Variants in ZNF529 observed in about 807,000 individuals in gnomAD.
ZNF529 encodes the protein zinc finger protein 529.
In ZNF529, 11 loss-of-function variants were observed where a neutral mutation model predicts 10.1. That is an observed-to-expected ratio of 1.09 (90% CI 0.69 to 1.81). ZNF529 has a LOEUF of 1.81. ZNF529 is among the 40% of genes most tolerant of loss of function. The pLI is 0.00. For missense variants in ZNF529, 624 were observed against 666.8 expected (o/e 0.94, Z 0.71); for synonymous variants, 204 against 215.7 (o/e 0.95, Z 0.47).
rs756181725 is a variant in ZNF529 at position 36,547,931 on chromosome 19, C to T, written c.627G>A (p.Gly209=). Residue 209 remains glycine, a synonymous_variant, in exon 5 of 5, where the codon GGG becomes GGA. Coordinates refer to ENST00000591340, the MANE Select transcript of ZNF529 (RefSeq NM_020951.5). ...YECNQCWKTF[G]IDNSSMLQLN... The stretch of plus-strand genomic sequence containing the variant: ...GTTGTAACATACTGGAGTTATCTAT[C>T]CCAAAGGTTTTCCAACATTGATTAC... 1.4e-5 allele frequency: 22 copies of T among 1,612,428 alleles called. No individual in the cohort carries two copies. The highest frequency in any genetic ancestry group is 1.8e-5 in the Non-Finnish European group (21 of 1,179,412).
chr19:36,568,143 T>G (rs559788635), intron 2 of ZNF529, among the ~76,000 whole-genome samples: 3 of 152,284 alleles, frequency 2.0e-5, no homozygotes, highest in Admixed American at 6.5e-5. Context: ...CTGAGGAAGC[T>G]TCAATTCCCT....
At chr19:36,568,005 G>T (rs941027583) in intron 2 of ZNF529, among the ~76,000 whole-genome samples, 4 of 152,086 alleles carry the variant, frequency 2.6e-5, no homozygotes, top group African/African-American at 9.7e-5. Context: ...GCTGGCAAAA[G>T]ACTTCAGTAG....
At position 36,553,283 on chromosome 19, in the gene ZNF529, A is replaced by T. The variant is rs953926617; in HGVS notation, c.235+1387T>A. On this transcript the variant is annotated intron_variant, in intron 4 of 4. Transcript: ENST00000591340. Reference sequence around the variant, plus strand: ...CCTGAGTAGCTGGGACTACAGGCACATGCCACCATGCCCAGCTGATTTTTT... The same window carrying T: ...CCTGAGTAGCTGGGACTACAGGCACTTGCCACCATGCCCAGCTGATTTTTT... 2.6e-5 allele frequency among the ~76,000 whole-genome samples: 4 copies of T among 152,080 alleles called. No individual in the cohort carries two copies. In the East Asian group the frequency reaches 7.7e-4, roughly 29 times the overall value.
Position 36,547,659 on chromosome 19 carries a change from T to C in ZNF529, c.899A>G (p.His300Arg), listed in dbSNP as rs2145784476. Residue 300 changes from histidine to arginine, a missense_variant, in exon 5 of 5, where the codon CAT becomes CGT. Transcript: ENST00000591340. ...TTTCTCATCAGTATGGATTTTCTGATGTCGAGTAAGTTGTGCATGCACTCT... is the reference window on the plus strand; with the variant it reads ...TTTCTCATCAGTATGGATTTTCTGACGTCGAGTAAGTTGTGCATGCACTCT... ...SFRVHAQLTR[H>R]QKIHTDEKTY... The C allele has an allele frequency of 1.2e-6, 2 of 1,613,890 alleles. No individual in the cohort carries two copies. The highest frequency in any genetic ancestry group is 2.2e-5 in the East Asian group (1 of 44,854).
At position 36,555,335 on chromosome 19, in the gene ZNF529, G is replaced by A. The variant is rs546696832; in HGVS notation, c.109-539C>T. On this transcript the variant is annotated intron_variant, in intron 3 of 4. Coordinates refer to ENST00000591340, the MANE Select transcript of ZNF529 (RefSeq NM_020951.5). Reference sequence around the variant, plus strand: ...GGAGTCTCGCTCTGTCGCCCAGGCCGGACTGCGGACTGCAGTGGCGCAATC... The same window carrying A: ...GGAGTCTCGCTCTGTCGCCCAGGCCAGACTGCGGACTGCAGTGGCGCAATC... Among the ~76,000 whole-genome samples, 7 of 25,262 alleles carry A rather than the reference G, an allele frequency of 2.8e-4. 3 individuals are homozygous for A. The South Asian group carries it at 5.8e-3, about 21-fold the overall frequency. The allele number at this position is 25,262 out of a possible 152,430, so 16.6% of individuals were successfully genotyped here. A position where few individuals can be genotyped will look rare whatever the true frequency, so the allele number is the denominator to read the frequency against.
chr19:36,591,296 T>TCA (rs2036706101), intron 1 of ZNF529, among the ~76,000 whole-genome samples: 1 of 109,574 alleles, frequency 9.1e-6, no homozygotes, highest in African/African-American at 3.7e-5. Flanking sequence ...AGACTCCGTC[T>TCA]CAAAAAAAAA....
intron 1 of ZNF529, among the ~76,000 whole-genome samples, chr19:36,592,302 A>AG (rs1245532466): frequency 6.7e-6 from 1 of 149,166 alleles, no homozygotes; most frequent in African/African-American, 2.5e-5. Flanking sequence ...AAAAAAAAAA[A>AG]AAAAAGAAAG....
At chr19:36,577,401 G>A (rs2036351250), upstream of ZNF529, 2 of 282,936 alleles carry the variant, frequency 7.1e-6, no homozygotes, top group Admixed American at 9.8e-5. Flanking sequence ...TCATATCCCA[G>A]GGGGCCTTGT....
intron 1 of ZNF529, chr19:36,605,101 C>T (rs577064621): frequency 6.5e-6 from 1 of 152,672 alleles, no homozygotes; most frequent in African/African-American, 2.4e-5. Context: ...CTTCTCGCAT[C>T]CAGACCCGGG....
intron 2 of ZNF529, among the ~76,000 whole-genome samples, chr19:36,583,023 A>G (rs757560370): frequency 1.3e-5 from 2 of 151,820 alleles, no homozygotes; most frequent in Non-Finnish European, 2.9e-5. Context: ...TCTTGACTCA[A>G]AATGAAATAG....
chr19:36,587,255 A>C (rs1184098870), intron 2 of ZNF529: 2 of 139,270 alleles, frequency 1.4e-5, no homozygotes, highest in Admixed American at 7.4e-5. Context: ...TCAGAGCAAG[A>C]CTCCGTCTCA....
intron 2 of ZNF529, chr19:36,587,436 G>A (rs901449701): frequency 4.6e-5 from 7 of 152,182 alleles, no homozygotes; most frequent in African/African-American, 9.7e-5. Context: ...TCCAGTTGCT[G>A]TGAAAATCAA....
intron 3 of ZNF529, among the ~76,000 whole-genome samples, chr19:36,555,170 A>G (rs2035418313): frequency 6.6e-6 from 1 of 152,238 alleles, no homozygotes; most frequent in Non-Finnish European, 1.5e-5. Context: ...GGAGAAAAAT[A>G]TCTAACTTTG....
At position 36,547,358 on chromosome 19, in the gene ZNF529, T is replaced by C. The variant is rs769095826; in HGVS notation, c.1200A>G (p.Gly400=). The change falls in exon 5 of 5, where the codon GGA becomes GGG. Residue 400 remains glycine (G), a synonymous_variant. Coordinates refer to ENST00000591340, the MANE Select transcript of ZNF529 (RefSeq NM_020951.5). ...GGGATGAACTATTTCTAAAGACCTT[T>C]CCACATGCTTTGCATTCATAGGGTT... ...GKKPYECKAC[G]KVFRNSSSLT... 8.4e-5 allele frequency: 135 copies of C among 1,613,732 alleles called. 1 individual carries two copies. Among genetic ancestry groups the C allele is most frequent in the Non-Finnish European group, 1.1e-4 (128 of 1,179,946 alleles).
At chr19:36,554,821 C>T (rs2035403778) in intron 3 of ZNF529, 25 bp from the exon 4 acceptor site, 1 of 1,500,062 alleles carries the variant, frequency 6.7e-7, no homozygotes, top group Non-Finnish European at 8.9e-7. Context: ...CCGTACATTA[C>T]AGGTAAAATT....
At chr19:36,594,931 T>G (rs1291715738) in intron 1 of ZNF529, among the ~76,000 whole-genome samples, 1 of 151,298 alleles carries the variant, frequency 6.6e-6, no homozygotes, top group African/African-American at 2.4e-5. Flanking sequence ...CGGGCTGGAG[T>G]GCAGTGGCAC....
intron 1 of ZNF529, among the ~76,000 whole-genome samples, chr19:36,598,909 T>C (rs1041919328): frequency 2.0e-5 from 3 of 152,212 alleles, no homozygotes; most frequent in East Asian, 3.8e-4. Flanking sequence ...ATAAAGCTAA[T>C]ATCTTACAAA....
rs2035935782 is a variant in ZNF529 at position 36,567,297 on chromosome 19, A to C, written c.14+5036T>G. ...CCAGAAAAATTGAATATCCACATGC[A>C]AAAGAATGAAATTGCATCACTCCTT... On this transcript the variant is annotated intron_variant, in intron 2 of 4. Coordinates refer to ENST00000591340, the MANE Select transcript of ZNF529 (RefSeq NM_020951.5). Among the ~76,000 whole-genome samples, 9 of 152,228 alleles carry C rather than the reference A, an allele frequency of 5.9e-5. No individual in the cohort carries two copies. In the South Asian group the frequency reaches 1.9e-3, roughly 31 times the overall value.
upstream of ZNF529, chr19:36,577,026 C>A: frequency 3.5e-6 from 1 of 285,382 alleles, no homozygotes; most frequent in Non-Finnish European, 7.1e-6. Flanking sequence ...AATCTTGGCT[C>A]ACTGCAGCCT....
Sources: gnomAD v4.1 joint callset for allele counts (sites outside exome capture counted in the v4.1 genomes callset) on GRCh38, gnomAD v4.1.1 for gene constraint, MANE v1.5 for transcripts, NCBI Gene and HGNC (gene_info 2026-07-23, HGNC 2026-07-21) for gene names.